The following CHAT variants were observed in gnomAD, a reference collection of about 807,000 sequenced individuals.
CHAT encodes choline O-acetyltransferase.
Under a neutral mutation model 76.9 loss-of-function variants are expected in CHAT, and 61 were observed. The ratio of observed to expected loss-of-function variants is 0.79; its 90% CI spans 0.65 to 0.98. CHAT has a LOEUF of 0.98. Among genes scored for constraint, CHAT ranks in the 50% least tolerant of loss-of-function variants. CHAT has a pLI of 0.00. For synonymous variants in CHAT, 407 were observed against 397.4 expected, an observed-to-expected ratio of 1.02 and a Z score of -0.29; for missense variants, 946 against 986.9, an observed-to-expected ratio of 0.96 and a Z score of 0.56.
intron 7 of CHAT, among the ~76,000 whole-genome samples, chr10:49,637,857 A>G (rs1222259215): frequency 1.3e-5 from 2 of 152,326 alleles, no homozygotes; most frequent in African/African-American, 2.4e-5. Context: ...GTCAGATAAC[A>G]TATTTTGAAT....
upstream of CHAT, among the ~76,000 whole-genome samples, chr10:49,609,611 C>T (rs1423251143): frequency 4.6e-5 from 7 of 152,214 alleles, no homozygotes; most frequent in African/African-American, 1.4e-4. Flanking sequence ...GGCGCGGCAA[C>T]TTCTGCCCTC....
intron 7 of CHAT, among the ~76,000 whole-genome samples, chr10:49,632,130 C>T (rs1032423532): frequency 8.5e-5 from 13 of 152,066 alleles, no homozygotes; most frequent in South Asian, 4.2e-4. Flanking sequence ...GGCAGGGGAG[C>T]GGGCACCTCA....
At chr10:49,659,371 A>T (rs1429221656) in intron 13 of CHAT, among the ~76,000 whole-genome samples, 2 of 152,216 alleles carry the variant, frequency 1.3e-5, no homozygotes, top group African/African-American at 4.8e-5. Context: ...ATAAAACATA[A>T]AAGAGGAAAT....
At chr10:49,620,431 C>T in intron 3 of CHAT, 64 bp from the exon 4 acceptor site, 1 of 1,083,832 alleles carries the variant, frequency 9.2e-7, no homozygotes, top group South Asian at 1.2e-5. Flanking sequence ...CCGATTTTCT[C>T]TCGGGGCTGT....
At chr10:49,637,307 C>T (rs1839327066) in intron 7 of CHAT, 1 of 152,132 alleles carries the variant, frequency 6.6e-6, no homozygotes, top group Non-Finnish European at 1.5e-5. Context: ...CACAAATTTT[C>T]ATATGGTGTA....
At position 49,648,501 on chromosome 10, in the gene CHAT, T is replaced by C. The variant is rs771457200; in HGVS notation, c.1282-6T>C. ...ATGATCGCCCACTCCCTCTTTCCTG[T>C]TGCAGTTTGTGGTGGGCCGAGACGG... On this transcript the variant is annotated splice_region_variant and splice_polypyrimidine_tract_variant and intron_variant, in intron 8 of 14. Transcript: ENST00000337653. 9.3e-6 allele frequency: 15 copies of C among 1,611,910 alleles called. No individual in the cohort carries two copies. Among genetic ancestry groups the C allele is most frequent in the African/African-American group, 1.3e-5 (1 of 74,886 alleles).
rs756381050 is a variant in CHAT at position 49,649,628 on chromosome 10, A to T, written c.1503A>T (p.Lys501Asn). Residue 501 changes from lysine (K) to asparagine (N), a missense_variant, in exon 10 of 15, where the codon AAA (lysine) becomes AAT (asparagine). Physicochemically the swap from Lys to Asn is moderately conservative, Grantham distance 94. Transcript: ENST00000337653. ...GCCACTTAGCCTCCTCGGCAGAAAA[A>T]CTTCAACGGTAAGGATAACCGAAGT... The part of the protein sequence containing the change: ...IQGHLASSAE[K>N]LQRIVKNLDF... 6.2e-7 allele frequency: 1 copy of T among 1,613,634 alleles called. No homozygotes were observed. The highest frequency in any genetic ancestry group is 1.1e-5 in the South Asian group (1 of 91,078).
chr10:49,627,553 G>A, intron 6 of CHAT, 55 bp from the exon 7 acceptor site: 1 of 1,572,550 alleles, frequency 6.4e-7, no homozygotes, highest in Non-Finnish European at 8.8e-7. Context: ...CTGAGTGAAG[G>A]CCTGGTGCCA....
At chr10:49,654,662 G>A (rs1191888766) in intron 11 of CHAT, among the ~76,000 whole-genome samples, 1 of 152,192 alleles carries the variant, frequency 6.6e-6, no homozygotes, top group Non-Finnish European at 1.5e-5. Context: ...CCACCACTAA[G>A]GCTCCTCCCT....
intron 9 of CHAT, 125 bp from the exon 10 acceptor site, chr10:49,649,383 T>C (rs1839789361): frequency 2.2e-6 from 3 of 1,381,336 alleles, no homozygotes; most frequent in Non-Finnish European, 3.1e-6. Flanking sequence ...CAGGGGCAGC[T>C]CGTACCCCCT....
At chr10:49,651,156 A>G (rs1383822678) in intron 10 of CHAT, among the ~76,000 whole-genome samples, 2 of 151,756 alleles carry the variant, frequency 1.3e-5, no homozygotes, top group Non-Finnish European at 2.9e-5. Flanking sequence ...CTGTGGTGAT[A>G]GTGAGCTCAG....
In CHAT at chr10:49,655,453, G is replaced by T. The variant is rs759084911; in HGVS notation, c.1839+5G>T. The T allele has an allele frequency of 6.2e-7, 1 of 1,613,522 alleles. No individual in the cohort carries two copies. Among genetic ancestry groups the T allele is most frequent in the Non-Finnish European group, 8.5e-7 (1 of 1,179,594 alleles). On this transcript the variant is annotated splice_donor_5th_base_variant and intron_variant, in intron 13 of 14. Transcript: ENST00000337653. ...CAGACTGCATACACAGTCATGGTGAGTGACGTCGCACCACCTCACAACACT... is the reference window on the plus strand; with the variant it reads ...CAGACTGCATACACAGTCATGGTGATTGACGTCGCACCACCTCACAACACT...
upstream of CHAT, chr10:49,611,809 T>G (rs1838305284): frequency 6.2e-7 from 1 of 1,603,472 alleles, no homozygotes; most frequent in African/African-American, 1.3e-5. Flanking sequence ...ACACCTGCAG[T>G]GGCTGTACGG....
chr10:49,651,238 C>T (rs1465023691), intron 10 of CHAT, among the ~76,000 whole-genome samples: 1 of 151,754 alleles, frequency 6.6e-6, no homozygotes, highest in Non-Finnish European at 1.5e-5. Context: ...TCCTCCAAGT[C>T]CCCCTGTGTT....
chr10:49,662,535 T>G (rs962007813), intron 13 of CHAT, 110 bp from the exon 14 acceptor site: 1 of 1,404,840 alleles, frequency 7.1e-7, no homozygotes, highest in Non-Finnish European at 1.0e-6. Context: ...TGGGTAAGCA[T>G]GAGCCGTGGC....
rs370200905 is a variant in CHAT, at chr10:49,662,722, C to G, written c.1917C>G (p.Pro639=). 3 of 1,614,196 alleles carry G rather than the reference C, an allele frequency of 1.9e-6. No individual in the cohort carries two copies. Among genetic ancestry groups the G allele is most frequent in the Non-Finnish European group, 2.5e-6 (3 of 1,180,026 alleles). ...CCCGGGCCATGTGCAAGGAGCTGCC[C>G]GAGATGTTCATGGATGAAACCTACC... ...ELARAMCKEL[P]EMFMDETYLM... is the part of the protein sequence containing the mutation. Residue 639 remains proline, a synonymous_variant, in exon 14 of 15, where the codon CCC becomes CCG. Transcript: ENST00000337653.
chr10:49,610,451 TG>T, upstream of CHAT: 1 of 359,288 alleles, frequency 2.8e-6, no homozygotes, highest in Non-Finnish European at 5.0e-6. Flanking sequence ...CCGGGCGAAG[TG>T]CGCCCAGTCT....
intron 7 of CHAT, among the ~76,000 whole-genome samples, chr10:49,630,277 CA>C (rs1372467808): frequency 6.6e-6 from 1 of 151,974 alleles, no homozygotes; most frequent in Non-Finnish European, 1.5e-5. Flanking sequence ...GAGAAGGATG[CA>C]AAGGGGATTG....
Position 49,627,736 on chromosome 10 carries a change from G to A in CHAT, c.1062G>A (p.Thr354=), listed in dbSNP as rs529337162. The A allele has an allele frequency of 4.1e-4, 657 of 1,614,046 alleles. 9 individuals carry two copies. In the South Asian group the frequency reaches 6.4e-3, roughly 16 times the overall value. ...DERLPPIGLL[T]SDGRSEWAEA... is the part of the protein sequence containing the mutation. ...GTTTGCCTCCAATTGGCCTGCTGAC[G>A]TCTGACGGGAGGAGCGAGTGGGCCG... The change falls in exon 7 of 15, where the codon ACG becomes ACA. Residue 354 remains threonine (T), a synonymous_variant. Coordinates refer to ENST00000337653, the MANE Select transcript of CHAT (RefSeq NM_020549.5).
Sources: allele counts gnomAD v4.1 joint callset (sites outside exome capture counted in the v4.1 genomes callset), GRCh38; gene constraint gnomAD v4.1.1; transcripts MANE v1.5; gene names NCBI Gene and HGNC (gene_info 2026-07-23, HGNC 2026-07-21).